TBC1D1: variants seen among roughly 807,000 people sequenced by gnomAD.
The protein encoded by TBC1D1 is TBC1 domain family member 1, also known as TBC1 (tre-2/USP6, BUB2, cdc16) domain family, member 1.
TBC1D1 carries 89 observed loss-of-function variants against 125.6 expected under a neutral mutation model. The ratio of observed to expected loss-of-function variants is 0.71; its 90% CI spans 0.60 to 0.85. The LOEUF (loss-of-function observed/expected upper bound fraction) is 0.85. Among genes scored for constraint, TBC1D1 ranks in the 40% least tolerant of loss-of-function variants. The probability of loss-of-function intolerance (pLI) is 0.00; values close to 1 mark genes in which losing one functional copy is unlikely to be tolerated. For synonymous variants in TBC1D1, 565 were observed against 564.1 expected (o/e 1.00, Z -0.02); for missense variants, 1,377 against 1,469.2 (o/e 0.94, Z 1.03).
At chr4:37,964,488 A>G (rs1340941596) in intron 2 of TBC1D1, among the ~76,000 whole-genome samples, 4 of 152,184 alleles carry the variant, frequency 2.6e-5, no homozygotes, top group Non-Finnish European at 5.9e-5. Flanking sequence ...TTTCCTAGGC[A>G]CTGAGGTCAG....
rs904922333 is a variant in TBC1D1, at chr4:37,964,260, C to T, written c.418-50249C>T. The stretch of plus-strand genomic sequence containing the variant: ...TTAGTTAAAGCAGCATTTGTTGGCA[C>T]AGAGAGGCCGTGTGCCCCTTTCTTG... On this transcript the variant is annotated intron_variant, in intron 2 of 19. Coordinates refer to ENST00000261439, the MANE Select transcript of TBC1D1 (RefSeq NM_015173.4). Among the ~76,000 whole-genome samples the T allele has an allele frequency of 7.9e-5, 12 of 152,230 alleles. 1 individual carries two copies. Among genetic ancestry groups the T allele is most frequent in the Admixed American group, 2.6e-4 (4 of 15,282 alleles).
chr4:37,967,810 G>C (rs1460861192), intron 2 of TBC1D1, among the ~76,000 whole-genome samples: 1 of 152,202 alleles, frequency 6.6e-6, no homozygotes, highest in Non-Finnish European at 1.5e-5. Context: ...AAATGTCTGA[G>C]TTTAAAGCTA....
intron 2 of TBC1D1, among the ~76,000 whole-genome samples, chr4:37,982,190 G>C (rs1734462954): frequency 6.6e-6 from 1 of 152,188 alleles, no homozygotes; most frequent in African/African-American, 2.4e-5. Context: ...GTAGGCGGTA[G>C]GAGTTGCCCT....
At position 38,010,109 on chromosome 4, in the gene TBC1D1, T is replaced by A. The variant is rs571808153; in HGVS notation, c.418-4400T>A. On this transcript the variant is annotated intron_variant, in intron 2 of 19. Coordinates refer to ENST00000261439, the MANE Select transcript of TBC1D1 (RefSeq NM_015173.4). ...AGTAAATATTGTAATTGGAAGTATATGTTCTTTTAGACTAAATAAAGTTTT... is the reference window on the plus strand; with the variant it reads ...AGTAAATATTGTAATTGGAAGTATAAGTTCTTTTAGACTAAATAAAGTTTT... 2.6e-5 allele frequency among the ~76,000 whole-genome samples: 4 copies of A among 152,374 alleles called. No individual in the cohort carries two copies. The East Asian group carries it at 7.7e-4, about 29-fold the overall frequency.
intron 12 of TBC1D1, among the ~76,000 whole-genome samples, chr4:38,057,971 C>T (rs566551881): frequency 6.6e-6 from 1 of 152,348 alleles, no homozygotes; most frequent in South Asian, 2.1e-4. Context: ...GTGCTTCCCT[C>T]TTCCCACAGG....
rs571096516 is a variant in TBC1D1, at chr4:37,930,373, G to A, written c.417+27861G>A. On this transcript the variant is annotated intron_variant, in intron 2 of 19. Transcript: ENST00000261439. ...GTCTCACTCTGTCACCCAGGCTGGA[G>A]TGTAATGGCGTGATCATGGCTCATT... 6.6e-5 allele frequency among the ~76,000 whole-genome samples: 10 copies of A among 152,270 alleles called. No homozygotes were observed. In the South Asian group the frequency reaches 2.1e-3, roughly 32 times the overall value.
chr4:37,899,372 G>C (rs897118307), intron 1 of TBC1D1, among the ~76,000 whole-genome samples: 4 of 152,114 alleles, frequency 2.6e-5, no homozygotes, highest in African/African-American at 9.7e-5. Context: ...ATATTTAATG[G>C]CCTATATGGA....
At chr4:37,905,457 G>A (rs925364293) in intron 2 of TBC1D1, among the ~76,000 whole-genome samples, 1 of 152,188 alleles carries the variant, frequency 6.6e-6, no homozygotes, top group African/African-American at 2.4e-5. Flanking sequence ...AAGGACGTCA[G>A]AAGGAGCCAA....
At chr4:38,121,680 G>A (rs1763878185) in intron 17 of TBC1D1, among the ~76,000 whole-genome samples, 1 of 152,104 alleles carries the variant, frequency 6.6e-6, no homozygotes, top group Admixed American at 6.5e-5. Context: ...ACTTTTCCAA[G>A]GAGAGTTATT....
chr4:38,093,296 T>C (rs1056514482), intron 13 of TBC1D1, among the ~76,000 whole-genome samples: 1 of 152,166 alleles, frequency 6.6e-6, no homozygotes, highest in African/African-American at 2.4e-5. Flanking sequence ...TTTCCTGACT[T>C]GAATAGATGA....
At chr4:37,999,287 G>A (rs1236111665) in intron 2 of TBC1D1, among the ~76,000 whole-genome samples, 1 of 151,908 alleles carries the variant, frequency 6.6e-6, no homozygotes, top group East Asian at 1.9e-4. Context: ...AAGTGGAAGG[G>A]TTTTATGTTT....
intron 18 of TBC1D1, among the ~76,000 whole-genome samples, chr4:38,127,601 C>T: frequency 6.6e-6 from 1 of 152,114 alleles, no homozygotes; most frequent in Non-Finnish European, 1.5e-5. Flanking sequence ...CCAGGCTGGT[C>T]TTGAACTCCT....
chr4:37,929,656 C>G (rs555652826), intron 2 of TBC1D1, among the ~76,000 whole-genome samples: 12 of 152,236 alleles, frequency 7.9e-5, no homozygotes, highest in African/African-American at 2.9e-4. Flanking sequence ...GAGATAACAT[C>G]CTTGGCATAT....
At chr4:38,117,984 T>C in intron 16 of TBC1D1, 49 bp from the exon 19 acceptor site, 1 of 1,575,574 alleles carries the variant, frequency 6.3e-7, no homozygotes, top group Non-Finnish European at 8.7e-7. Flanking sequence ...ATAACTTTAT[T>C]GCTGTGGCAG....
At chr4:37,970,790 A>G (rs1731861367) in intron 2 of TBC1D1, among the ~76,000 whole-genome samples, 1 of 152,218 alleles carries the variant, frequency 6.6e-6, no homozygotes, top group South Asian at 2.1e-4. Context: ...TTCCTGATCC[A>G]TTGCCAAGTG....
At chr4:38,067,150 C>T (rs1753891072) in intron 12 of TBC1D1, among the ~76,000 whole-genome samples, 1 of 152,196 alleles carries the variant, frequency 6.6e-6, no homozygotes, top group Non-Finnish European at 1.5e-5. Context: ...GCTGGGATTA[C>T]AGGTGTGAGC....
At chr4:38,039,023 C>G (rs1231144533) in intron 8 of TBC1D1, among the ~76,000 whole-genome samples, 2 of 151,560 alleles carry the variant, frequency 1.3e-5, no homozygotes, top group Non-Finnish European at 2.9e-5. Context: ...TACCCCTTCC[C>G]CCAGGTAACC....
chr4:37,942,535 G>A (rs942011429), intron 2 of TBC1D1, among the ~76,000 whole-genome samples: 2 of 151,444 alleles, frequency 1.3e-5, no homozygotes, highest in African/African-American at 4.8e-5. Flanking sequence ...GTTAATATTG[G>A]TGTTTTTTTT....
chr4:37,952,202 G>A lies in TBC1D1; in HGVS notation c.417+49690G>A, dbSNP rs544498832. The A allele has an allele frequency of 4.3e-5, 28 of 645,132 alleles. 1 individual carries two copies. The highest frequency in any genetic ancestry group is 4.1e-4 in the Middle Eastern group (1 of 2,410). 40.0% of individuals were successfully genotyped at this position (645,132 alleles called of 1,614,324 possible). On this transcript the variant is annotated intron_variant, in intron 2 of 19. Transcript: ENST00000261439. ...CTATTTATCCTGTGACTTCACACGC[G>A]CTTGGAAGTTTTGTTGTGATCTTCG...
Sources: allele counts gnomAD v4.1 joint callset (sites outside exome capture counted in the v4.1 genomes callset), GRCh38; gene constraint gnomAD v4.1.1; transcripts MANE v1.5; gene names NCBI Gene and HGNC (gene_info 2026-07-23, HGNC 2026-07-21).